The following PLEC variants were observed in gnomAD, a reference collection of about 807,000 sequenced individuals.
The protein encoded by PLEC is hemidesmosomal protein 1.
In PLEC, 216 loss-of-function variants were observed where a neutral mutation model predicts 392.8. That is an observed-to-expected ratio of 0.55 (90% CI 0.49 to 0.62). PLEC has a LOEUF of 0.62. PLEC is among the 20% of genes least tolerant of loss of function. PLEC has a pLI of 0.00. For missense variants in PLEC, 6,863 were observed against 6,563.4 expected (o/e 1.05, Z -1.58); for synonymous variants, 3,621 against 2,980.6 (o/e 1.21, Z -7.00).
chr8:143,923,478 G>A lies in PLEC; in HGVS notation c.6451C>T (p.Gln2151Ter). The change falls in exon 31 of 32, where the codon CAG becomes TAG. Residue 2151 changes from glutamine to a stop codon, truncating the protein, a stop_gained. Coordinates refer to ENST00000345136, the MANE Select transcript of PLEC (RefSeq NM_201384.3). LOFTEE classifies it high-confidence loss of function. ...EAEQEAARRA[Q>*]AEQAALRQKQ... is the part of the protein sequence containing the mutation. The stretch of plus-strand genomic sequence containing the variant: ...TGCCGCAGGGCCGCCTGCTCCGCCT[G>A]TGCCCGCCGCGCCGCCTCTTGCTCG... 1.2e-6 allele frequency: 2 copies of A among 1,601,322 alleles called. No homozygotes were observed. Among genetic ancestry groups the A allele is most frequent in the South Asian group, 1.1e-5 (1 of 90,656 alleles).
rs782259899 is a variant in PLEC, at chr8:143,924,469, G to A, written c.5460C>T (p.Ala1820=). The change falls in exon 31 of 32, where the codon GCC becomes GCT. Residue 1820 remains alanine, a synonymous_variant. Transcript: ENST00000345136. Reference sequence around the variant, plus strand: ...CCCGCTGCCGCGCCGCGTCTTCCTCGGCCAGCTGCCGCTGCCGCTTGGCCT... The same window carrying A: ...CCCGCTGCCGCGCCGCGTCTTCCTCAGCCAGCTGCCGCTGCCGCTTGGCCT... The part of the protein sequence containing the change: ...AEEAKRQRQL[A]EEDAARQRAE... The A allele has an allele frequency of 2.5e-4, 383 of 1,537,032 alleles. No homozygotes were observed. Among genetic ancestry groups the A allele is most frequent in the Admixed American group, 4.0e-4 (21 of 52,180 alleles).
Position 143,929,692 on chromosome 8 carries a change from G to A in PLEC, c.2877C>T (p.Gly959=). The A allele has an allele frequency of 1.3e-6, 2 of 1,599,706 alleles. No homozygotes were observed. Among genetic ancestry groups the A allele is most frequent in the East Asian group, 2.2e-5 (1 of 44,794 alleles). Residue 959 remains glycine, a synonymous_variant, in exon 23 of 32, where the codon GGC becomes GGT. Coordinates refer to ENST00000345136, the MANE Select transcript of PLEC (RefSeq NM_201384.3). ...EDRLMAEREY[G]SCSHHYQQLL... ...GCTGCTGGTAGTGGTGGCTGCAGGA[G>A]CCGTACTCGCGCTCAGCCATCAGCC...
In PLEC at chr8:143,969,791, GT is replaced by G. The variant is rs1262256585; in HGVS notation, c.70+3611del. 3.0e-4 allele frequency among the ~76,000 whole-genome samples: 46 copies of G among 152,036 alleles called. 1 individual carries two copies. The highest frequency in any genetic ancestry group is 2.6e-3 in the Admixed American group (39 of 15,262). Reference sequence around the variant, plus strand: ...TTAGGTTGTCATGTTAGGGATGGGAGTGGGGCTTAGGGGTGCTGTGAGGTGG... The same window carrying G: ...TTAGGTTGTCATGTTAGGGATGGGAGGGGGCTTAGGGGTGCTGTGAGGTGG... On this transcript the variant is annotated intron_variant, in intron 1 of 31. Transcript: ENST00000356346. This position sits in a 1 kb window ranked among gnomAD's most constrained non-coding sequence, Gnocchi z 5.1.
In PLEC at chr8:143,917,193, C is replaced by T. The variant is rs199941693; in HGVS notation, c.12628G>A (p.Ala4210Thr). The change falls in exon 32 of 32, where the codon GCC becomes ACC. Residue 4210 changes from alanine (A) to threonine (T), a missense_variant. Coordinates refer to ENST00000345136, the MANE Select transcript of PLEC (RefSeq NM_201384.3). ...GCCGAGCGGTCGATGAGGTTCTTGG[C>T]GATGGCATCATCGATGTCGTACTGG... ...GRQYDIDDAI[A>T]KNLIDRSALD... The T allele has an allele frequency of 2.1e-4, 342 of 1,612,838 alleles. 2 individuals carry two copies. The African/African-American group carries it at 4.0e-3, about 19-fold the overall frequency.
At chr8:143,950,126 C>T in intron 1 of PLEC, 5 of 1,457,082 alleles carry the variant, frequency 3.4e-6, no homozygotes, top group Non-Finnish European at 4.5e-6. Context: ...GGCCCAAGAC[C>T]CGACAACCAG....
In PLEC at chr8:143,924,880, G is replaced by T; in HGVS notation, c.5049C>A (p.Ala1683=). 1 of 1,589,148 alleles carries T rather than the reference G, an allele frequency of 6.3e-7. No homozygotes were observed. The highest frequency in any genetic ancestry group is 2.3e-5 in the East Asian group (1 of 44,360). Residue 1683 remains alanine (A), a synonymous_variant, in exon 31 of 32, where the codon GCC becomes GCA. Coordinates refer to ENST00000345136, the MANE Select transcript of PLEC (RefSeq NM_201384.3). Reference sequence around the variant, plus strand: ...GTTCAGCCAGCTCCCGCTGCCGGACGGCCTGCTCCTCCGCCTTGCCGCGCC... The same window carrying T: ...GTTCAGCCAGCTCCCGCTGCCGGACTGCCTGCTCCTCCGCCTTGCCGCGCC... ...ARRRGKAEEQ[A]VRQRELAEQE...
upstream of PLEC, chr8:143,942,455 A>G (rs1554729493): frequency 3.7e-6 from 6 of 1,601,906 alleles, no homozygotes; most frequent in Non-Finnish European, 5.1e-6. Flanking sequence ...CCGTCCAGCC[A>G]GCACGGCCGC....
chr8:143,948,406 C>T (rs1264640264), intron 1 of PLEC, among the ~76,000 whole-genome samples: 2 of 152,224 alleles, frequency 1.3e-5, no homozygotes, highest in Non-Finnish European at 1.5e-5. Flanking sequence ...CAGAACTGCC[C>T]CGGGCTGTAT....
upstream of PLEC, chr8:143,975,234 C>T: frequency 6.2e-7 from 1 of 1,606,144 alleles, no homozygotes. This position sits in a 1 kb window ranked among gnomAD's most constrained non-coding sequence, Gnocchi z 9.9. Context: ...TTGCTCCCAG[C>T]GCCACCCCCG....
Position 143,916,713 on chromosome 8 carries a change from C to A in PLEC, c.13108G>T (p.Ala4370Ser). The part of the protein sequence containing the change: ...EDPRTKTKMS[A>S]AQALKKGWLY... ...CAGCCCTTCTTCAGGGCCTGGGCGG[C>A]CGACATCTTGGTCTTGGTGCGTGGG... Residue 4370 changes from alanine to serine, a missense_variant, in exon 32 of 32, where the codon GCC (alanine) becomes TCC (serine). Transcript: ENST00000345136. The A allele has an allele frequency of 6.2e-7, 1 of 1,612,888 alleles. No individual in the cohort carries two copies. The highest frequency in any genetic ancestry group is 8.5e-7 in the Non-Finnish European group (1 of 1,179,906).
Position 143,922,722 on chromosome 8 carries a change from C to G in PLEC, c.7207G>C (p.Ala2403Pro), listed in dbSNP as rs782320305. The part of the protein sequence containing the change: ...SRAQARAEED[A>P]QRFRKQAEEI... ...TCCGCCTGCTTCCGGAAGCGCTGGG[C>G]GTCCTCCTCAGCGCGGGCCTGGGCT... The change falls in exon 31 of 32, where the codon GCC becomes CCC. Residue 2403 changes from alanine to proline, a missense_variant. Transcript: ENST00000345136. 2 of 1,611,854 alleles carry G rather than the reference C, an allele frequency of 1.2e-6. No individual in the cohort carries two copies. Among genetic ancestry groups the G allele is most frequent in the South Asian group, 2.2e-5 (2 of 90,838 alleles).
chr8:143,955,820 A>C (rs1392084728), upstream of PLEC, among the ~76,000 whole-genome samples: 1 of 151,892 alleles, frequency 6.6e-6, no homozygotes, highest in African/African-American at 2.4e-5. Flanking sequence ...GGCTGGTCTC[A>C]AACTCCTGGG....
rs1232706047 is a variant in PLEC, at chr8:143,917,275, G to A, written c.12546C>T (p.Thr4182=). The change falls in exon 32 of 32, where the codon ACC becomes ACT. Residue 4182 remains threonine (T), a synonymous_variant. Transcript: ENST00000345136. ...SEQECEWEEI[T]ISSSDGVVKS... is the part of the protein sequence containing the mutation. Reference sequence around the variant, plus strand: ...TGACCACGCCGTCCGAGGAGGAGATGGTGATCTCCTCCCACTCGCACTCCT... The same window carrying A: ...TGACCACGCCGTCCGAGGAGGAGATAGTGATCTCCTCCCACTCGCACTCCT... The A allele has an allele frequency of 6.2e-7, 1 of 1,610,170 alleles. No homozygotes were observed. Among genetic ancestry groups the A allele is most frequent in the Non-Finnish European group, 8.5e-7 (1 of 1,178,574 alleles).
intron 1 of PLEC, among the ~76,000 whole-genome samples, chr8:143,947,574 G>A (rs531843201): frequency 6.2e-4 from 94 of 151,364 alleles, no homozygotes; most frequent in African/African-American, 2.1e-3. Context: ...GCGAAACCCC[G>A]TCTCTACTAA....
chr8:143,931,713 C>T (rs1827317563), intron 18 of PLEC, 54 bp from the exon 19 acceptor site: 2 of 1,570,594 alleles, frequency 1.3e-6, no homozygotes, highest in East Asian at 2.3e-5. Flanking sequence ...AGCCCCAGCC[C>T]ACAGTTGTCC....
At position 143,922,147 on chromosome 8, in the gene PLEC, C is replaced by T; in HGVS notation, c.7674G>A (p.Arg2558=). 2 of 1,539,616 alleles carry T rather than the reference C, an allele frequency of 1.3e-6. No individual in the cohort carries two copies. The highest frequency in any genetic ancestry group is 1.7e-6 in the Non-Finnish European group (2 of 1,148,144). ...GCACGCCCTCCTCGGCCTCATGCTG[C>T]CGCCGCCGCGCCTCCTCCATGCTGG... The part of the protein sequence containing the change: ...LVASMEEARR[R]QHEAEEGVRR... The change falls in exon 32 of 32, where the codon CGG becomes CGA. Residue 2558 remains arginine, a synonymous_variant. Coordinates refer to ENST00000345136, the MANE Select transcript of PLEC (RefSeq NM_201384.3).
rs782189541 is a variant in PLEC at position 143,920,322 on chromosome 8, TCTC to T, written c.9496_9498del (p.Glu3166del). The T allele has an allele frequency of 3.1e-6, 5 of 1,592,870 alleles. No homozygotes were observed. Among genetic ancestry groups the T allele is most frequent in the Non-Finnish European group, 4.3e-6 (5 of 1,175,270 alleles). On this transcript the variant is annotated inframe_deletion, in exon 32 of 32. Transcript: ENST00000345136. ...CTTGGTGCCGACAGGGCCCTGCTGG[TCTC>T]CTCATCCAGGCAGCCTCGGGCGCAG...
intron 25 of PLEC, 51 bp downstream of exon 25, chr8:143,929,052 C>T: frequency 6.6e-7 from 1 of 1,506,500 alleles, no homozygotes; most frequent in Non-Finnish European, 9.0e-7. Flanking sequence ...GCCCTCACCC[C>T]AGCACCCCCC....
intron 1 of PLEC, among the ~76,000 whole-genome samples, chr8:143,964,016 T>A (rs1452947459): frequency 2.0e-5 from 3 of 152,120 alleles, no homozygotes; most frequent in African/African-American, 4.8e-5. Flanking sequence ...CTTCACCATG[T>A]TGGCCAGGCT....
Sources: gnomAD v4.1 joint callset for allele counts (sites outside exome capture counted in the v4.1 genomes callset) on GRCh38, gnomAD v4.1.1 for gene constraint, Gnocchi (gnomAD v3.1) non-coding constraint, MANE v1.5 for transcripts, NCBI Gene and HGNC (gene_info 2026-07-23, HGNC 2026-07-21) for gene names.